MYLIP: variants seen among roughly 807,000 people sequenced by gnomAD.
MYLIP encodes E3 ubiquitin-protein ligase MYLIP.
A neutral mutation model predicts 45.8 loss-of-function variants in MYLIP; 26 were observed. The observed-to-expected ratio is 0.57, with a 90% CI of 0.42 to 0.79. The LOEUF is 0.79. Ranked by LOEUF, MYLIP falls within the 30% of genes least tolerant of loss-of-function variation. MYLIP has a pLI of 0.00. For synonymous variants in MYLIP, 213 were observed against 218.1 expected (o/e 0.98, Z 0.21); for missense variants, 494 against 555.6 (o/e 0.89, Z 1.11).
At chr6:16,131,432 G>C (rs1759458926) in intron 2 of MYLIP, among the ~76,000 whole-genome samples, 2 of 152,054 alleles carry the variant, frequency 1.3e-5, no homozygotes, top group Non-Finnish European at 2.9e-5. Flanking sequence ...TGAAGCATGT[G>C]GTCTCATTTT....
At chr6:16,150,758 T>G (rs1759868203), downstream of MYLIP, among the ~76,000 whole-genome samples, 1 of 152,182 alleles carries the variant, frequency 6.6e-6, no homozygotes, top group African/African-American at 2.4e-5. Context: ...TTTACAAGAC[T>G]TGAACAAAAT....
At chr6:16,156,342 G>A in the MYLIP span, among the ~76,000 whole-genome samples, 1 of 152,180 alleles carries the variant, frequency 6.6e-6, no homozygotes, top group East Asian at 1.9e-4. Flanking sequence ...TCACCCTCCT[G>A]TCCCTATCAA....
the MYLIP span, among the ~76,000 whole-genome samples, chr6:16,157,071 C>T: frequency 6.6e-6 from 1 of 152,230 alleles, no homozygotes; most frequent in Non-Finnish European, 1.5e-5. Flanking sequence ...ACCTGCCATC[C>T]CACCCACTGT....
In MYLIP at chr6:16,145,110, A is replaced by G. The variant is rs1759760211; in HGVS notation, c.1041A>G (p.Ser347=). 1 of 1,614,138 alleles carries G rather than the reference A, an allele frequency of 6.2e-7. No homozygotes were observed. Among genetic ancestry groups the G allele is most frequent in the African/African-American group, 1.3e-5 (1 of 75,048 alleles). Residue 347 remains serine, a synonymous_variant, in exon 6 of 7, where the codon TCA becomes TCG. Transcript: ENST00000356840. The part of the protein sequence containing the change: ...DLVSRNNQSP[S]HSPLKSSESS... ...TTTCAAGAAACAACCAGAGCCCTTC[A>G]CACTCGCCTCTGAAGTCCTCAGAAA...
Position 16,147,125 on chromosome 6 carries a change from A to C in MYLIP, c.*374A>C, listed in dbSNP as rs1759809447. On this transcript the variant is annotated 3_prime_UTR_variant, in exon 7 of 7. Transcript: ENST00000356840. Reference sequence around the variant, plus strand: ...AGTCTCCTTAATGTATCCTGAGGTAAGTTTCCTACTGGCAGCAGATTTTGT... The same window carrying C: ...AGTCTCCTTAATGTATCCTGAGGTACGTTTCCTACTGGCAGCAGATTTTGT... 1 of 161,040 alleles carries C rather than the reference A, an allele frequency of 6.2e-6. No homozygotes were observed. Among genetic ancestry groups the C allele is most frequent in the African/African-American group, 2.4e-5 (1 of 41,684 alleles). 10.0% of individuals were successfully genotyped at this position (161,040 alleles called of 1,614,324 possible).
chr6:16,145,181 C>A lies in MYLIP; in HGVS notation c.1112C>A (p.Thr371Asn), dbSNP rs763042096. Residue 371 changes from threonine (T) to asparagine (N), a missense_variant, in exon 6 of 7, where the codon ACC becomes AAC. By Grantham distance (65) the Thr-to-Asn change is moderately conservative. Transcript: ENST00000356840. ...TGCGAGGGCCTCAGCTGCCAGCAGA[C>A]CCGGGTGCTGCAGGAGAAGCTACGC... ...SSCEGLSCQQ[T>N]RVLQEKLRKL... The A allele has an allele frequency of 6.2e-7, 1 of 1,614,140 alleles. No individual in the cohort carries two copies. Among genetic ancestry groups the A allele is most frequent in the South Asian group, 1.1e-5 (1 of 91,080 alleles).
chr6:16,143,958 A>AT, intron 5 of MYLIP, 95 bp downstream of exon 5: 1 of 1,365,866 alleles, frequency 7.3e-7, no homozygotes, highest in Non-Finnish European at 1.0e-6. Flanking sequence ...TGTTGTGTCA[A>AT]TGAGTCTAGT....
At chr6:16,136,571 T>G (rs1401973119) in intron 2 of MYLIP, among the ~76,000 whole-genome samples, 1 of 152,238 alleles carries the variant, frequency 6.6e-6, no homozygotes. Flanking sequence ...CATATTTTCA[T>G]TTCTCTTGAA....
At chr6:16,143,492 A>G (rs1231845062) in intron 4 of MYLIP, among the ~76,000 whole-genome samples, 1 of 152,216 alleles carries the variant, frequency 6.6e-6, no homozygotes, top group Non-Finnish European at 1.5e-5. Flanking sequence ...CACACCCAGC[A>G]CTTGCTCCCA....
At chr6:16,163,095 A>T in the MYLIP span, among the ~76,000 whole-genome samples, 1 of 152,180 alleles carries the variant, frequency 6.6e-6, no homozygotes, top group South Asian at 2.1e-4. Context: ...GACAACATTA[A>T]GCAGCTGAAC....
the MYLIP span, among the ~76,000 whole-genome samples, chr6:16,161,806 A>G: frequency 6.6e-6 from 1 of 152,350 alleles, no homozygotes; most frequent in East Asian, 1.9e-4. Flanking sequence ...AAGAATATGA[A>G]TATGAAACTT....
At chr6:16,139,943 A>G (rs1164727904) in intron 2 of MYLIP, among the ~76,000 whole-genome samples, 3 of 152,230 alleles carry the variant, frequency 2.0e-5, no homozygotes, top group Non-Finnish European at 4.4e-5. Context: ...TTGAATTTAA[A>G]TACTTCTTAG....
downstream of MYLIP, among the ~76,000 whole-genome samples, chr6:16,150,474 C>T (rs1419819752): frequency 3.3e-5 from 5 of 152,064 alleles, no homozygotes; most frequent in Non-Finnish European, 7.4e-5. Context: ...AAGGCAGGGC[C>T]ACGAGAAGTG....
chr6:16,142,946 G>C, intron 3 of MYLIP, 74 bp from the exon 4 acceptor site: 1 of 1,428,280 alleles, frequency 7.0e-7, no homozygotes, highest in Non-Finnish European at 9.7e-7. Context: ...TATTTCACTC[G>C]TGAAGACTAC....
rs1759760903 is a variant in MYLIP at position 16,145,130 on chromosome 6, C to T, written c.1061C>T (p.Ser354Leu). 16 of 1,614,222 alleles carry T rather than the reference C, an allele frequency of 9.9e-6. No homozygotes were observed. The highest frequency in any genetic ancestry group is 1.0e-5 in the Non-Finnish European group (12 of 1,180,032). Residue 354 changes from serine (S) to leucine (L), a missense_variant, in exon 6 of 7, where the codon TCA becomes TTA. Coordinates refer to ENST00000356840, the MANE Select transcript of MYLIP (RefSeq NM_013262.4). ...QSPSHSPLKSSESSMNCSSCE... is the reference protein window; with the variant it reads ...QSPSHSPLKSLESSMNCSSCE... ...CCTTCACACTCGCCTCTGAAGTCCT[C>T]AGAAAGCAGCATGAACTGCAGCAGC...
At chr6:16,138,412 A>G (rs968936753) in intron 2 of MYLIP, among the ~76,000 whole-genome samples, 6 of 152,166 alleles carry the variant, frequency 3.9e-5, no homozygotes, top group African/African-American at 1.4e-4. Context: ...TACTTGATTC[A>G]AAACCACCCA....
At position 16,129,427 on chromosome 6, in the gene MYLIP, G is replaced by C; in HGVS notation, c.87+18G>C. 1 of 1,569,812 alleles carries C rather than the reference G, an allele frequency of 6.4e-7. No individual in the cohort carries two copies. On this transcript the variant is annotated intron_variant, in intron 1 of 6. Transcript: ENST00000356840. This position sits in a 1 kb window ranked among gnomAD's most constrained non-coding sequence, Gnocchi z 5.1. ...TCAACCAGGTGAGGGCGAGGGGCAA[G>C]AAGGGGCCCCGGCGGGTCCCGCGAG...
At chr6:16,162,963 C>A in the MYLIP span, among the ~76,000 whole-genome samples, 1 of 152,002 alleles carries the variant, frequency 6.6e-6, no homozygotes, top group Non-Finnish European at 1.5e-5. Flanking sequence ...GCTTTTCCGG[C>A]TTTTGGCATT....
chr6:16,146,841 T>G lies in MYLIP; in HGVS notation c.*90T>G. ...GATAGATTGTGGAGAAAGTAATTAT[T>G]CCAACACCCATCTGCCATGCGATGT... On this transcript the variant is annotated 3_prime_UTR_variant, in exon 7 of 7. Coordinates refer to ENST00000356840, the MANE Select transcript of MYLIP (RefSeq NM_013262.4). The G allele has an allele frequency of 8.8e-7, 1 of 1,137,420 alleles. No homozygotes were observed. The highest frequency in any genetic ancestry group is 2.7e-5 in the East Asian group (1 of 37,694). 70.5% of individuals were successfully genotyped at this position (1,137,420 alleles called of 1,614,324 possible). A position where few individuals can be genotyped will look rare whatever the true frequency, so the allele number is the denominator to read the frequency against.
Sources: allele counts gnomAD v4.1 joint callset (sites outside exome capture counted in the v4.1 genomes callset), GRCh38; gene constraint gnomAD v4.1.1; non-coding constraint Gnocchi (gnomAD v3.1); transcripts MANE v1.5; gene names NCBI Gene and HGNC (gene_info 2026-07-23, HGNC 2026-07-21).